Variants in JARID2 observed in about 807,000 individuals in gnomAD.
JARID2 encodes jumonji and AT-rich interaction domain containing 2, also known as protein Jumonji.
In JARID2, 21 loss-of-function variants were observed where a neutral mutation model predicts 125.6. The observed-to-expected ratio is 0.17, with a 90% CI of 0.12 to 0.24. The LOEUF (loss-of-function observed/expected upper bound fraction) is 0.24. Ranked by LOEUF, JARID2 falls within the 10% of genes least tolerant of loss-of-function variation. The pLI, the probability that JARID2 is intolerant of heterozygous loss-of-function variation, is 1.00. For synonymous variants in JARID2, 736 were observed against 661.6 expected, an observed-to-expected ratio of 1.11 and a Z score of -1.73; for missense variants, 1,303 against 1,639.6, an observed-to-expected ratio of 0.79 and a Z score of 3.55.
chr6:15,272,625 A>G (rs1262157971), intron 1 of JARID2, among the ~76,000 whole-genome samples: 3 of 152,148 alleles, frequency 2.0e-5, no homozygotes, highest in Non-Finnish European at 4.4e-5. Flanking sequence ...GGACCCCCCT[A>G]CCACTACTTG....
intron 4 of JARID2, among the ~76,000 whole-genome samples, chr6:15,467,526 C>CTT (rs34064637): frequency 0.027 from 3,622 of 135,000 alleles, 67 homozygotes; most frequent in Middle Eastern, 0.042. Flanking sequence ...CTATATTGTG[C>CTT]TTTTTTTTTT....
chr6:15,344,939 A>C (rs1763196783), intron 1 of JARID2, among the ~76,000 whole-genome samples: 1 of 152,066 alleles, frequency 6.6e-6, no homozygotes, highest in Non-Finnish European at 1.5e-5. Context: ...GAAGATTTTA[A>C]TTTTTTGACA....
At chr6:15,380,846 AAAAT>A (rs1290968111) in intron 2 of JARID2, among the ~76,000 whole-genome samples, 5 of 152,152 alleles carry the variant, frequency 3.3e-5, no homozygotes, top group Admixed American at 2.6e-4. Context: ...TCAAAATAAA[AAAAT>A]GTCAGGTCAC....
chr6:15,326,227 G>C lies in JARID2; in HGVS notation c.46-47890G>C, dbSNP rs569627354. ...GAAGCAAATCTCAGACATTTTTTTGGGGGGTGGAAGGTGGAGACAGGGTGG... is the reference window on the plus strand; with the variant it reads ...GAAGCAAATCTCAGACATTTTTTTGCGGGGTGGAAGGTGGAGACAGGGTGG... On this transcript the variant is annotated intron_variant, in intron 1 of 17. Coordinates refer to ENST00000341776, the MANE Select transcript of JARID2 (RefSeq NM_004973.4). Among the ~76,000 whole-genome samples, 8 of 152,036 alleles carry C rather than the reference G, an allele frequency of 5.3e-5. 1 individual carries two copies. Among genetic ancestry groups the C allele is most frequent in the African/African-American group, 1.4e-4 (6 of 41,478 alleles).
chr6:15,410,212 T>C lies in JARID2; in HGVS notation c.182-12T>C. 6.2e-7 allele frequency: 1 copy of C among 1,611,698 alleles called. No individual in the cohort carries two copies. The highest frequency in any genetic ancestry group is 8.5e-7 in the Non-Finnish European group (1 of 1,178,274). ...ATGTATTTAAGTGTTTGTCCCCTTT[T>C]CTCACCTGTAGGGCTCCTTGGTAAT... On this transcript the variant is annotated splice_polypyrimidine_tract_variant and intron_variant, in intron 2 of 17. Coordinates refer to ENST00000341776, the MANE Select transcript of JARID2 (RefSeq NM_004973.4).
chr6:15,317,121 A>G (rs1762204861), intron 1 of JARID2, among the ~76,000 whole-genome samples: 2 of 152,150 alleles, frequency 1.3e-5, no homozygotes, highest in Admixed American at 6.5e-5. Context: ...TGTTGCATGT[A>G]CTTAATTTGA....
chr6:15,343,111 C>T (rs557575738), intron 1 of JARID2, among the ~76,000 whole-genome samples: 11 of 151,414 alleles, frequency 7.3e-5, no homozygotes, highest in African/African-American at 1.9e-4. Context: ...TATCTGTAAT[C>T]GCAGCTACTT....
chr6:15,511,507 A>G (rs867735944), intron 13 of JARID2, 106 bp downstream of exon 13: 1 of 754,110 alleles, frequency 1.3e-6, no homozygotes, highest in Non-Finnish European at 2.3e-6. Flanking sequence ...GGACACAGCA[A>G]AACAAATCCC....
At chr6:15,377,012 C>T (rs1764381363) in intron 2 of JARID2, among the ~76,000 whole-genome samples, 1 of 152,154 alleles carries the variant, frequency 6.6e-6, no homozygotes, top group South Asian at 2.1e-4. Context: ...TATGTATATG[C>T]ATGCTTTGCT....
rs747437300 is a variant in JARID2, at chr6:15,500,929, C to T, written c.1968C>T (p.Ala656=). 3 of 1,610,858 alleles carry T rather than the reference C, an allele frequency of 1.9e-6. No homozygotes were observed. In the South Asian group the frequency reaches 3.3e-5, roughly 18 times the overall value. Residue 656 remains alanine, a synonymous_variant, in exon 8 of 18, where the codon GCC becomes GCT. Coordinates refer to ENST00000341776, the MANE Select transcript of JARID2 (RefSeq NM_004973.4). ...CAGGGGGCTGTGAGCTCGACCTGGC[C>T]TGCTTTTTCCGGCTGATTAATGAGA... is the stretch of plus-strand genomic sequence containing the variant. ...PLIGGCELDL[A]CFFRLINEMG...
At chr6:15,504,057 C>T (rs1225918689) in intron 8 of JARID2, among the ~76,000 whole-genome samples, 1 of 139,928 alleles carries the variant, frequency 7.1e-6, no homozygotes, top group Non-Finnish European at 1.6e-5. Context: ...TTCTGTCTCT[C>T]CAGCTTCTCT....
intron 1 of JARID2, among the ~76,000 whole-genome samples, chr6:15,372,357 GTTA>G (rs200030425): frequency 5.3e-5 from 8 of 151,954 alleles, no homozygotes; most frequent in Admixed American, 2.6e-4. Context: ...GGATATTAAT[GTTA>G]TTATTATTAT....
intron 1 of JARID2, among the ~76,000 whole-genome samples, chr6:15,366,805 G>A (rs376789481): frequency 1.8e-4 from 27 of 151,908 alleles, no homozygotes; most frequent in African/African-American, 6.5e-4. Flanking sequence ...GCCACCTTCT[G>A]CCTCTTTATC....
chr6:15,332,753 T>G (rs368370988), intron 1 of JARID2, among the ~76,000 whole-genome samples: 20 of 152,198 alleles, frequency 1.3e-4, no homozygotes, highest in African/African-American at 3.4e-4. Context: ...AACAATTTTT[T>G]TGTGTGTGTG....
intron 1 of JARID2, among the ~76,000 whole-genome samples, chr6:15,297,868 G>A (rs1385389291): frequency 6.6e-6 from 1 of 151,608 alleles, no homozygotes; most frequent in Admixed American, 6.6e-5. Context: ...TATTTTTACT[G>A]TTGAAAATCA....
intron 16 of JARID2, among the ~76,000 whole-genome samples, chr6:15,515,960 G>A (rs1445413994): frequency 6.9e-6 from 1 of 145,394 alleles, no homozygotes. Flanking sequence ...CCGAGATCGC[G>A]CCATCGCCCA....
chr6:15,362,149 A>G (rs904632458), intron 1 of JARID2, among the ~76,000 whole-genome samples: 2 of 151,544 alleles, frequency 1.3e-5, no homozygotes, highest in East Asian at 1.9e-4. Flanking sequence ...CCGCCTCCCA[A>G]AGTGCTGGAA....
At chr6:15,263,106 GT>G (rs1759949621) in intron 1 of JARID2, among the ~76,000 whole-genome samples, 1 of 148,496 alleles carries the variant, frequency 6.7e-6, no homozygotes, top group East Asian at 2.0e-4. Flanking sequence ...GTGTGTGTGT[GT>G]GTGTGTGTGT....
chr6:15,485,432 A>G (rs1405578833), intron 5 of JARID2, among the ~76,000 whole-genome samples: 1 of 152,246 alleles, frequency 6.6e-6, no homozygotes, highest in Non-Finnish European at 1.5e-5. Flanking sequence ...GGGTGCATGC[A>G]AAGTTGGTTT....
Sources: allele counts gnomAD v4.1 joint callset (sites outside exome capture counted in the v4.1 genomes callset), GRCh38; gene constraint gnomAD v4.1.1; transcripts MANE v1.5; gene names NCBI Gene and HGNC (gene_info 2026-07-23, HGNC 2026-07-21).